Variants in AHSG observed in about 807,000 individuals in gnomAD.
The protein encoded by AHSG is alpha 2-HS glycoprotein.
AHSG carries 23 observed loss-of-function variants against 30.1 expected under a neutral mutation model. That is an observed-to-expected ratio of 0.76 (90% confidence interval 0.55 to 1.08). AHSG has a LOEUF of 1.08. AHSG is among the 50% of genes least tolerant of loss of function. AHSG has a pLI of 0.00. For missense variants in AHSG, 469 were observed against 459.5 expected, an observed-to-expected ratio of 1.02 and a Z score of -0.19; for synonymous variants, 164 against 186.3, an observed-to-expected ratio of 0.88 and a Z score of 0.98.
chr3:186,614,157 G>A (rs1716227565), intron 1 of AHSG, among the ~76,000 whole-genome samples: 1 of 152,164 alleles, frequency 6.6e-6, no homozygotes. Flanking sequence ...ATGCCTCGGG[G>A]ATCAGTCAAG....
chr3:186,616,536 G>A lies in AHSG; in HGVS notation c.409+9G>A. 6.3e-7 allele frequency: 1 copy of A among 1,599,412 alleles called. No individual in the cohort carries two copies. Among genetic ancestry groups the A allele is most frequent in the Middle Eastern group, 1.7e-4 (1 of 6,042 alleles). ...ATGTGATTCCAGTCCAGGTACAGAT[G>A]ACTATTCTTATTCTCATTTTTTCCT... On this transcript the variant is annotated intron_variant, in intron 3 of 6. Coordinates refer to ENST00000411641, the MANE Select transcript of AHSG (RefSeq NM_001622.4).
At chr3:186,617,897 A>T (rs1716358529) in intron 4 of AHSG, 1 of 184,318 alleles carries the variant, frequency 5.4e-6, no homozygotes, top group Admixed American at 5.4e-5. Context: ...TGTATTCTGG[A>T]TATCAGCCAT....
chr3:186,617,754 A>G (rs1216502879), intron 4 of AHSG: 9 of 310,812 alleles, frequency 2.9e-5, no homozygotes, highest in Admixed American at 4.5e-5. Flanking sequence ...CTCGTAATTA[A>G]TACTCACTTG....
chr3:186,613,510 G>C (rs577296358), intron 1 of AHSG, among the ~76,000 whole-genome samples, 156 bp downstream of exon 1: 183 of 152,262 alleles, frequency 1.2e-3, no homozygotes, highest in South Asian at 3.1e-3. Context: ...GCAGAGGGCA[G>C]GAGAGGAGAC....
At chr3:186,616,221 C>A (rs372483700) in intron 2 of AHSG, among the ~76,000 whole-genome samples, 138 of 152,246 alleles carry the variant, frequency 9.1e-4, no homozygotes, top group African/African-American at 3.2e-3. Context: ...TAATAATCAT[C>A]ATCATAAATA....
At chr3:186,615,390 C>A (rs889181527) in intron 1 of AHSG, among the ~76,000 whole-genome samples, 2 of 152,106 alleles carry the variant, frequency 1.3e-5, no homozygotes, top group African/African-American at 4.8e-5. Context: ...TCAAATAGAG[C>A]TCAGAGTGAG....
intron 4 of AHSG, 22 bp from the exon 5 acceptor site, chr3:186,618,514 C>T (rs1370000240): frequency 6.2e-7 from 1 of 1,607,590 alleles, no homozygotes; most frequent in Non-Finnish European, 8.5e-7. Flanking sequence ...TCCTCAAGAG[C>T]ATTTTCATGT....
At position 186,618,560 on chromosome 3, in the gene AHSG, G is replaced by A; in HGVS notation, c.598G>A (p.Glu200Lys). The change falls in exon 5 of 7, where the codon GAG becomes AAG. Residue 200 changes from glutamate (E) to lysine (K), a missense_variant. Glu to Lys is a moderately conservative substitution (Grantham distance 56). Transcript: ENST00000411641. ...LVPLPPSTYV[E>K]FTVSGTDCVA... ...GCCCCTCCCACCTTCTACCTATGTG[G>A]AGTTTACAGTGTCTGGCACTGACTG... 6.2e-7 allele frequency: 1 copy of A among 1,613,898 alleles called. No homozygotes were observed. Among genetic ancestry groups the A allele is most frequent in the East Asian group, 2.2e-5 (1 of 44,892 alleles).
rs747965880 is a variant in AHSG at position 186,613,325 on chromosome 3, C to A, written c.184C>A (p.Gln62Lys). The A allele has an allele frequency of 6.2e-7, 1 of 1,613,872 alleles. No individual in the cohort carries two copies. The change falls in exon 1 of 7, where the codon CAG becomes AAG. Residue 62 changes from glutamine (Q) to lysine (K), a missense_variant. Physicochemically the swap from Gln to Lys is moderately conservative, Grantham distance 53. Coordinates refer to ENST00000411641, the MANE Select transcript of AHSG (RefSeq NM_001622.4). ...TTGGGGATACAAACACACCTTGAACCAGATTGATGAAGTAAAGGTGTGGCC... is the reference window on the plus strand; with the variant it reads ...TTGGGGATACAAACACACCTTGAACAAGATTGATGAAGTAAAGGTGTGGCC... ...LPWGYKHTLN[Q>K]IDEVKVWPQQ... is the part of the protein sequence containing the mutation.
intron 4 of AHSG, 93 bp from the exon 5 acceptor site, chr3:186,618,442 TG>T: frequency 6.4e-7 from 1 of 1,555,048 alleles, no homozygotes; most frequent in Non-Finnish European, 8.8e-7. Flanking sequence ...GCATGAATGG[TG>T]CTCCCCGAAG....
chr3:186,613,305 G>A lies in AHSG; in HGVS notation c.164G>A (p.Gly55Glu), dbSNP rs570498140. 1.1e-5 allele frequency: 17 copies of A among 1,614,178 alleles called. No individual in the cohort carries two copies. The highest frequency in any genetic ancestry group is 1.4e-5 in the Non-Finnish European group (16 of 1,180,024). The change falls in exon 1 of 7, where the codon GGA becomes GAA. Residue 55 changes from glycine (G) to glutamate (E), a missense_variant. Gly to Glu is a moderately conservative substitution (Grantham distance 98, BLOSUM62 -2). Coordinates refer to ENST00000411641, the MANE Select transcript of AHSG (RefSeq NM_001622.4). ...TACATCAATCAAAACCTTCCTTGGG[G>A]ATACAAACACACCTTGAACCAGATT... is the stretch of plus-strand genomic sequence containing the variant. ...IDYINQNLPW[G>E]YKHTLNQIDE... is the part of the protein sequence containing the mutation.
intron 4 of AHSG, 199 bp downstream of exon 4, chr3:186,617,549 C>A (rs1189927144): frequency 2.0e-6 from 2 of 983,304 alleles, no homozygotes; most frequent in African/African-American, 1.6e-5. Flanking sequence ...CCAACACCCT[C>A]AGCGCCTCCC....
chr3:186,620,642 G>A lies in AHSG; in HGVS notation c.816G>A (p.Val272=). ...EGANEAVPTP[V]VDPDAPPSPP... is the part of the protein sequence containing the mutation. The stretch of plus-strand genomic sequence containing the variant: ...CCAATGAAGCAGTCCCCACACCCGT[G>A]GTGGACCCAGATGCACCTCCGTCCC... The change falls in exon 7 of 7, where the codon GTG becomes GTA. Residue 272 remains valine, a synonymous_variant. Coordinates refer to ENST00000411641, the MANE Select transcript of AHSG (RefSeq NM_001622.4). 6.2e-7 allele frequency: 1 copy of A among 1,613,680 alleles called. No homozygotes were observed. The highest frequency in any genetic ancestry group is 8.5e-7 in the Non-Finnish European group (1 of 1,179,726).
At position 186,620,773 on chromosome 3, in the gene AHSG, T is replaced by C; in HGVS notation, c.947T>C (p.Leu316Pro). The C allele has an allele frequency of 1.2e-6, 2 of 1,614,196 alleles. No homozygotes were observed. The highest frequency in any genetic ancestry group is 1.7e-6 in the Non-Finnish European group (2 of 1,180,046). ...GHQLHRAHYDLRHTFMGVVSL... is the reference protein window; with the variant it reads ...GHQLHRAHYDPRHTFMGVVSL... ...CAGTTGCACCGGGCGCACTACGACCTGCGCCACACCTTCATGGGTGTGGTC... is the reference window on the plus strand; with the variant it reads ...CAGTTGCACCGGGCGCACTACGACCCGCGCCACACCTTCATGGGTGTGGTC... Residue 316 changes from leucine (L) to proline (P), a missense_variant, in exon 7 of 7, where the codon CTG (leucine) becomes CCG (proline). Coordinates refer to ENST00000411641, the MANE Select transcript of AHSG (RefSeq NM_001622.4).
At chr3:186,616,581 G>C in intron 3 of AHSG, 54 bp downstream of exon 3, 2 of 1,425,868 alleles carry the variant, frequency 1.4e-6, no homozygotes, top group Non-Finnish European at 9.7e-7. Context: ...AGTGGGGAAG[G>C]GATCTGAATA....
chr3:186,616,404 G>A (rs1716306418), intron 2 of AHSG, 39 bp from the exon 3 acceptor site: 2 of 1,575,480 alleles, frequency 1.3e-6, no homozygotes, highest in Non-Finnish European at 1.7e-6. Flanking sequence ...GGGTGCGAAG[G>A]GGAAGGGCAG....
At chr3:186,616,393 G>T in intron 2 of AHSG, 50 bp from the exon 3 acceptor site, 5 of 1,498,336 alleles carry the variant, frequency 3.3e-6, no homozygotes, top group Non-Finnish European at 4.6e-6. Flanking sequence ...GAGCCTGCCC[G>T]GGGTGCGAAG....
chr3:186,613,454 A>C (rs750688609), intron 1 of AHSG, 100 bp downstream of exon 1: 45 of 1,119,404 alleles, frequency 4.0e-5, no homozygotes, highest in Non-Finnish European at 5.4e-5. Context: ...GAAACCACAG[A>C]GGAGTAAATT....
chr3:186,616,821 A>C (rs1291148100), intron 3 of AHSG, among the ~76,000 whole-genome samples: 3 of 152,058 alleles, frequency 2.0e-5, no homozygotes, highest in Non-Finnish European at 4.4e-5. Context: ...AAATACAAAA[A>C]TGTGGTGGTG....
Sources: gnomAD v4.1 joint callset for allele counts (sites outside exome capture counted in the v4.1 genomes callset) on GRCh38, gnomAD v4.1.1 for gene constraint, MANE v1.5 for transcripts, NCBI Gene and HGNC (gene_info 2026-07-23, HGNC 2026-07-21) for gene names.